The following SGCG variants were observed in gnomAD, a reference collection of about 807,000 sequenced individuals.
SGCG encodes the protein sarcoglycan gamma, also known as gamma-sarcoglycan.
SGCG carries 26 observed loss-of-function variants against 29.3 expected under a neutral mutation model. That is an observed-to-expected ratio of 0.89 (90% CI 0.65 to 1.23). The LOEUF (loss-of-function observed/expected upper bound fraction) is 1.23. SGCG is among the 50% of genes most tolerant of loss of function. The pLI is 0.00. For missense variants in SGCG, 353 were observed against 356.0 expected (o/e 0.99, Z 0.07); for synonymous variants, 145 against 129.7 (o/e 1.12, Z -0.80).
chr13:23,214,532 T>G (rs1878352284), intron 2 of SGCG, among the ~76,000 whole-genome samples: 3 of 152,334 alleles, frequency 2.0e-5, no homozygotes, highest in Middle Eastern at 3.4e-3. Flanking sequence ...GGTGGCTCCA[T>G]TTAGAAACAT....
At chr13:23,271,508 G>A (rs534933009) in intron 4 of SGCG, among the ~76,000 whole-genome samples, 7 of 152,272 alleles carry the variant, frequency 4.6e-5, no homozygotes, top group South Asian at 2.1e-4. Flanking sequence ...GCATGCAGCC[G>A]GCGGGCTACA....
chr13:23,221,386 A>G (rs1878650593), intron 2 of SGCG, among the ~76,000 whole-genome samples: 1 of 152,182 alleles, frequency 6.6e-6, no homozygotes, highest in Non-Finnish European at 1.5e-5. Flanking sequence ...ACTATACACT[A>G]TTTATCATCT....
At chr13:23,304,575 G>A (rs1289869475) in intron 6 of SGCG, among the ~76,000 whole-genome samples, 1 of 151,908 alleles carries the variant, frequency 6.6e-6, no homozygotes, top group Non-Finnish European at 1.5e-5. Flanking sequence ...CCAGTAAGGA[G>A]TCTGTTAACT....
At chr13:23,162,724 G>T in the SGCG span, among the ~76,000 whole-genome samples, 9 of 151,962 alleles carry the variant, frequency 5.9e-5, no homozygotes, top group South Asian at 1.9e-3. Flanking sequence ...CCAGCTTCTC[G>T]GGAGGCTGAG....
intron 6 of SGCG, among the ~76,000 whole-genome samples, chr13:23,308,638 C>T (rs1238167590): frequency 6.6e-6 from 1 of 152,080 alleles, no homozygotes; most frequent in Non-Finnish European, 1.5e-5. Context: ...GATCTCAGCT[C>T]ACTGCAGCCT....
chr13:23,270,307 C>T (rs1466700327), intron 4 of SGCG, among the ~76,000 whole-genome samples: 6 of 152,142 alleles, frequency 3.9e-5, no homozygotes, highest in African/African-American at 9.7e-5. Context: ...TTCCCAGCGG[C>T]GGTGTAGGAG....
intron 1 of SGCG, among the ~76,000 whole-genome samples, chr13:23,189,479 T>C (rs1877152910): frequency 6.6e-6 from 1 of 152,188 alleles, no homozygotes; most frequent in South Asian, 2.1e-4. Flanking sequence ...CCTGGCCTTT[T>C]TCCTGAAATT....
At chr13:23,266,305 A>G (rs903811333) in intron 4 of SGCG, among the ~76,000 whole-genome samples, 1 of 151,914 alleles carries the variant, frequency 6.6e-6, no homozygotes, top group East Asian at 1.9e-4. Context: ...ACATATATAT[A>G]TATGATATAT....
Position 23,248,166 on chromosome 13 carries a change from C to A in SGCG, c.298-2464C>A, listed in dbSNP as rs183015135. 3.3e-5 allele frequency among the ~76,000 whole-genome samples: 5 copies of A among 151,794 alleles called. No individual in the cohort carries two copies. The East Asian group carries it at 9.7e-4, about 29-fold the overall frequency. On this transcript the variant is annotated intron_variant, in intron 3 of 7. Coordinates refer to ENST00000218867, the MANE Select transcript of SGCG (RefSeq NM_000231.3). ...ATACACTCAAAAAGATAAGCGAGAT[C>A]TACACACCGAGTTTTCCTTTCCAAA...
chr13:23,283,257 T>C (rs1881375450), intron 5 of SGCG, among the ~76,000 whole-genome samples: 1 of 152,086 alleles, frequency 6.6e-6, no homozygotes, highest in South Asian at 2.1e-4. Context: ...AGTCTGAGTC[T>C]CTTTGTAGGT....
intron 1 of SGCG, among the ~76,000 whole-genome samples, chr13:23,192,294 C>T (rs1246762242): frequency 6.6e-6 from 1 of 151,800 alleles, no homozygotes; most frequent in African/African-American, 2.4e-5. Flanking sequence ...TCATTTTCTC[C>T]TTCATTCGAT....
At position 23,295,324 on chromosome 13, in the gene SGCG, A is replaced by G. The variant is rs983214669; in HGVS notation, c.506-91A>G. The G allele has an allele frequency of 2.1e-5, 22 of 1,069,236 alleles. No homozygotes were observed. In the Middle Eastern group the frequency reaches 1.0e-3, roughly 49 times the overall value. The allele number at this position is 1,069,236 out of a possible 1,614,324, so 66.2% of individuals were successfully genotyped here. On this transcript the variant is annotated intron_variant, in intron 5 of 7. Transcript: ENST00000218867. ...AATTCTGCAAGAAAGAACAAAATCC[A>G]TATGTTCTTTAATATCTAGGCTAAA... is the stretch of plus-strand genomic sequence containing the variant.
intron 6 of SGCG, among the ~76,000 whole-genome samples, chr13:23,303,784 A>G (rs497691): frequency 0.72 from 109,898 of 152,108 alleles, 41,600 homozygotes; most frequent in East Asian, 0.89. Flanking sequence ...GGTGAAAAAG[A>G]TAAATGCACA....
intron 1 of SGCG, among the ~76,000 whole-genome samples, chr13:23,197,199 T>G (rs1280629378): frequency 6.6e-6 from 1 of 152,186 alleles, no homozygotes; most frequent in Non-Finnish European, 1.5e-5. Context: ...CCTTATGCAT[T>G]CGTGTGTTCA....
chr13:23,258,605 A>G (rs1029085978), intron 4 of SGCG, among the ~76,000 whole-genome samples: 1 of 152,238 alleles, frequency 6.6e-6, no homozygotes, highest in African/African-American at 2.4e-5. Context: ...GTGGTGAGAG[A>G]GGGCATCCCT....
At chr13:23,245,620 G>A (rs1879678635) in intron 3 of SGCG, 2 of 152,066 alleles carry the variant, frequency 1.3e-5, no homozygotes, top group African/African-American at 2.4e-5. Flanking sequence ...TTCAGTAAGG[G>A]GCGACCTAAT....
intron 1 of SGCG, among the ~76,000 whole-genome samples, chr13:23,186,440 T>C (rs1370358019): frequency 6.6e-6 from 1 of 152,198 alleles, no homozygotes; most frequent in African/African-American, 2.4e-5. Flanking sequence ...CATTGTGTCC[T>C]CTGGTAGAAG....
chr13:23,321,965 A>G (rs1883057883), intron 7 of SGCG, among the ~76,000 whole-genome samples: 2 of 152,108 alleles, frequency 1.3e-5, no homozygotes. Context: ...CATGTTAGGG[A>G]TGTTCCTAAA....
At chr13:23,214,440 A>G (rs1161106102) in intron 2 of SGCG, among the ~76,000 whole-genome samples, 1 of 152,218 alleles carries the variant, frequency 6.6e-6, no homozygotes, top group Non-Finnish European at 1.5e-5. Context: ...AATATGTGGG[A>G]AGGAAGAGCA....
Sources: allele counts gnomAD v4.1 joint callset (sites outside exome capture counted in the v4.1 genomes callset), GRCh38; gene constraint gnomAD v4.1.1; transcripts MANE v1.5; gene names NCBI Gene and HGNC (gene_info 2026-07-23, HGNC 2026-07-21).